The following CTDSPL variants were observed in gnomAD, a reference collection of about 807,000 sequenced individuals.
CTDSPL encodes CTD small phosphatase like.
In CTDSPL, 8 loss-of-function variants were observed where a neutral mutation model predicts 30.5. The observed-to-expected ratio is 0.26, with a 90% CI of 0.15 to 0.47. The LOEUF (loss-of-function observed/expected upper bound fraction) is 0.47, where lower values mean the gene tolerates loss of function less well. CTDSPL is among the 20% of genes least tolerant of loss of function. CTDSPL has a pLI of 0.99. For missense variants in CTDSPL, 248 were observed against 366.1 expected (o/e 0.68, Z 2.63); for synonymous variants, 110 against 137.9 (o/e 0.80, Z 1.42).
At chr3:37,956,864 A>G (rs1429194785) in intron 2 of CTDSPL, among the ~76,000 whole-genome samples, 1 of 152,224 alleles carries the variant, frequency 6.6e-6, no homozygotes, top group Non-Finnish European at 1.5e-5. Context: ...ATTTAAATAC[A>G]CAAAATGGTT....
chr3:37,929,300 C>G (rs2125614364), intron 1 of CTDSPL, among the ~76,000 whole-genome samples: 1 of 152,126 alleles, frequency 6.6e-6, no homozygotes, highest in East Asian at 1.9e-4. Context: ...GATTGTTTTT[C>G]CTGTTTCTGC....
intron 1 of CTDSPL, among the ~76,000 whole-genome samples, chr3:37,919,714 G>A (rs570662057): frequency 6.6e-6 from 1 of 152,290 alleles, no homozygotes; most frequent in South Asian, 2.1e-4. Flanking sequence ...GGGAAAGGGG[G>A]CCAGGGTTTC....
intron 1 of CTDSPL, among the ~76,000 whole-genome samples, chr3:37,877,506 G>A (rs1698149155): frequency 6.6e-6 from 1 of 152,136 alleles, no homozygotes; most frequent in Non-Finnish European, 1.5e-5. Context: ...ATTGGTTGAT[G>A]GACACTTGTG....
chr3:37,915,597 G>A (rs1489226667), intron 1 of CTDSPL, among the ~76,000 whole-genome samples: 1 of 151,976 alleles, frequency 6.6e-6, no homozygotes, highest in East Asian at 1.9e-4. Flanking sequence ...CTTAATTTTA[G>A]TTATTTTGTT....
intron 7 of CTDSPL, among the ~76,000 whole-genome samples, chr3:37,979,268 G>T (rs1383316698): frequency 1.3e-5 from 2 of 150,164 alleles, no homozygotes; most frequent in Admixed American, 6.7e-5. Context: ...TTTGAAACCA[G>T]CCTGGACAAC....
intron 1 of CTDSPL, among the ~76,000 whole-genome samples, chr3:37,866,142 T>A (rs762453020): frequency 1.3e-5 from 2 of 152,220 alleles, no homozygotes; most frequent in African/African-American, 2.4e-5. Context: ...ATTAGAACCA[T>A]CCTAAGTGTC....
intron 1 of CTDSPL, among the ~76,000 whole-genome samples, chr3:37,880,238 A>G (rs1173106251): frequency 1.3e-5 from 2 of 151,992 alleles, no homozygotes; most frequent in African/African-American, 4.8e-5. Flanking sequence ...GAGGTTAAGT[A>G]ACTTGCTTGT....
At chr3:37,961,238 G>A (rs898606990) in intron 3 of CTDSPL, among the ~76,000 whole-genome samples, 2 of 152,112 alleles carry the variant, frequency 1.3e-5, no homozygotes, top group African/African-American at 2.4e-5. Context: ...CATTAGTATC[G>A]TTCATCTCCC....
intron 1 of CTDSPL, among the ~76,000 whole-genome samples, chr3:37,946,247 G>A (rs945719465): frequency 6.6e-6 from 1 of 152,180 alleles, no homozygotes; most frequent in South Asian, 2.1e-4. Context: ...TTCCTGACTT[G>A]TGGCAGCTTG....
At chr3:37,921,746 C>T (rs1698719125) in intron 1 of CTDSPL, among the ~76,000 whole-genome samples, 1 of 152,170 alleles carries the variant, frequency 6.6e-6, no homozygotes, top group Admixed American at 6.5e-5. Flanking sequence ...GGGGCCAGAC[C>T]ACCTGTAAGG....
intron 1 of CTDSPL, among the ~76,000 whole-genome samples, chr3:37,934,323 C>T (rs1698890289): frequency 6.7e-6 from 1 of 150,304 alleles, no homozygotes; most frequent in Non-Finnish European, 1.5e-5. Flanking sequence ...GAGACCCTCT[C>T]TCTTAAAAAA....
chr3:37,945,593 C>T (rs1189429046), intron 1 of CTDSPL, among the ~76,000 whole-genome samples: 4 of 152,244 alleles, frequency 2.6e-5, no homozygotes, highest in African/African-American at 7.2e-5. Context: ...ATGGCCTGGT[C>T]TGGCCTGACC....
At chr3:37,877,938 C>T (rs1379100792) in intron 1 of CTDSPL, among the ~76,000 whole-genome samples, 1 of 152,176 alleles carries the variant, frequency 6.6e-6, no homozygotes, top group Non-Finnish European at 1.5e-5. Context: ...ACAGCTCCCA[C>T]CGGGCCCCAC....
intron 2 of CTDSPL, among the ~76,000 whole-genome samples, chr3:37,951,493 T>C (rs889184041): frequency 2.5e-4 from 38 of 152,064 alleles, no homozygotes; most frequent in African/African-American, 7.7e-4. Context: ...CTGGGCAACA[T>C]AGGGAAACCC....
In CTDSPL at chr3:37,941,340, T is replaced by G. The variant is rs546444226; in HGVS notation, c.80-5717T>G. 9.6e-4 allele frequency among the ~76,000 whole-genome samples: 144 copies of G among 149,974 alleles called. 10 individuals carry two copies. Among genetic ancestry groups the G allele is most frequent in the Middle Eastern group, 7.2e-3 (2 of 278 alleles). On this transcript the variant is annotated intron_variant, in intron 1 of 7. Coordinates refer to ENST00000273179, the MANE Select transcript of CTDSPL (RefSeq NM_001008392.2). ...CTCTATCAAGGATTTCCCTTTACTCTCCCTGTGGGGTATCTGTGCCCATGG... is the reference window on the plus strand; with the variant it reads ...CTCTATCAAGGATTTCCCTTTACTCGCCCTGTGGGGTATCTGTGCCCATGG...
Position 37,981,032 on chromosome 3 carries a change from C to T in CTDSPL, c.*165C>T. The T allele has an allele frequency of 1.8e-6, 1 of 560,618 alleles. No homozygotes were observed. The highest frequency in any genetic ancestry group is 2.6e-6 in the Non-Finnish European group (1 of 389,092). The allele number at this position is 560,618 out of a possible 1,614,324, so 34.7% of individuals were successfully genotyped here. On this transcript the variant is annotated 3_prime_UTR_variant, in exon 8 of 8. Coordinates refer to ENST00000273179, the MANE Select transcript of CTDSPL (RefSeq NM_001008392.2). ...TGTTTTGTTTTTTTAAGAACAGAAA[C>T]AACTATTTTAAAAGAACTCTTTTAA... is the stretch of plus-strand genomic sequence containing the variant.
chr3:37,887,740 ACT>A (rs2125595010), intron 1 of CTDSPL, among the ~76,000 whole-genome samples: 1 of 152,210 alleles, frequency 6.6e-6, no homozygotes, highest in African/African-American at 2.4e-5. Context: ...CAAAGAGATA[ACT>A]CAGTATGCGT....
chr3:37,892,818 ATACT>A (rs1351868202), intron 1 of CTDSPL, among the ~76,000 whole-genome samples: 4 of 152,230 alleles, frequency 2.6e-5, no homozygotes, highest in African/African-American at 7.2e-5. Flanking sequence ...CTGACAATAA[ATACT>A]TAATAAGTGT....
chr3:37,961,813 G>A (rs1699248071), intron 3 of CTDSPL, among the ~76,000 whole-genome samples: 1 of 152,176 alleles, frequency 6.6e-6, no homozygotes, highest in Non-Finnish European at 1.5e-5. Context: ...CAATGTACCA[G>A]GAAGAGGTAC....
Sources: gnomAD v4.1 joint callset for allele counts (sites outside exome capture counted in the v4.1 genomes callset) on GRCh38, gnomAD v4.1.1 for gene constraint, MANE v1.5 for transcripts, NCBI Gene and HGNC (gene_info 2026-07-23, HGNC 2026-07-21) for gene names.